The following SMAD2 variants were observed in gnomAD, a reference collection of about 807,000 sequenced individuals.
The protein encoded by SMAD2 is MAD homolog 2.
In SMAD2, 8 loss-of-function variants were observed where a neutral mutation model predicts 64.4. The ratio of observed to expected loss-of-function variants is 0.12; its 90% CI spans 0.07 to 0.22. The LOEUF (loss-of-function observed/expected upper bound fraction) is 0.22, where lower values mean the gene tolerates loss of function less well. Ranked by LOEUF, SMAD2 falls within the 10% of genes least tolerant of loss-of-function variation. SMAD2 has a pLI of 1.00. For missense variants in SMAD2, 289 were observed against 561.2 expected (o/e 0.51, Z 4.90); for synonymous variants, 203 against 195.8 (o/e 1.04, Z -0.31).
intron 6 of SMAD2, among the ~76,000 whole-genome samples, chr18:47,853,948 C>A (rs1205466887): frequency 6.6e-6 from 1 of 152,080 alleles, no homozygotes; most frequent in Non-Finnish European, 1.5e-5. Flanking sequence ...CTGTTTACTC[C>A]TCTATTAAAT....
At chr18:47,844,649 C>T (rs535566729) in intron 10 of SMAD2, among the ~76,000 whole-genome samples, 1 of 152,196 alleles carries the variant, frequency 6.6e-6, no homozygotes, top group Non-Finnish European at 1.5e-5. Flanking sequence ...TAACCTTGGG[C>T]AAATTATCAG....
rs1378450370 is a variant in SMAD2, at chr18:47,818,931, T to C, written c.*22896A>G. On this transcript the variant is annotated 3_prime_UTR_variant, in exon 11 of 11. Coordinates refer to ENST00000262160, the MANE Select transcript of SMAD2 (RefSeq NM_005901.6). ...TTATAAACCAGCAAGCCTGTATTAC[T>C]ATCGTATGACTAAAATTCTAAAATG... The C allele has an allele frequency of 6.6e-6, 1 of 152,246 alleles. No homozygotes were observed. The highest frequency in any genetic ancestry group is 1.5e-5 in the Non-Finnish European group (1 of 68,044). 9.4% of individuals were successfully genotyped at this position (152,246 alleles called of 1,614,324 possible).
Position 47,827,383 on chromosome 18 carries a change from C to G in SMAD2, c.*14444G>C, listed in dbSNP as rs1912792455. ...ATTTATGCTCAATACCTCTCTCCAGCCAATCACTATGTAAATTGTGAATTA... is the reference window on the plus strand; with the variant it reads ...ATTTATGCTCAATACCTCTCTCCAGGCAATCACTATGTAAATTGTGAATTA... On this transcript the variant is annotated 3_prime_UTR_variant, in exon 11 of 11. Coordinates refer to ENST00000262160, the MANE Select transcript of SMAD2 (RefSeq NM_005901.6). The G allele has an allele frequency of 6.6e-6, 1 of 152,234 alleles. No individual in the cohort carries two copies. The highest frequency in any genetic ancestry group is 1.5e-5 in the Non-Finnish European group (1 of 68,036). 9.4% of individuals were successfully genotyped at this position (152,234 alleles called of 1,614,324 possible).
intron 6 of SMAD2, among the ~76,000 whole-genome samples, chr18:47,856,567 G>A (rs1022332405): frequency 6.6e-6 from 1 of 152,118 alleles, no homozygotes; most frequent in Non-Finnish European, 1.5e-5. Flanking sequence ...ACCCAAATAT[G>A]ATCACTAGTC....
chr18:47,895,293 C>G (rs1290054149), intron 2 of SMAD2: 1 of 152,222 alleles, frequency 6.6e-6, no homozygotes, highest in Non-Finnish European at 1.5e-5. Flanking sequence ...TGGCTCTTCC[C>G]TCTGCCTAGA....
rs1329963688 is a variant in SMAD2, at chr18:47,824,283, T to C, written c.*17544A>G. ...CCATGAAGAGAGGGATTTTACGCACTACCTCAAAGACCCAGAAGAAACCAC... is the reference window on the plus strand; with the variant it reads ...CCATGAAGAGAGGGATTTTACGCACCACCTCAAAGACCCAGAAGAAACCAC... On this transcript the variant is annotated 3_prime_UTR_variant, in exon 11 of 11. Coordinates refer to ENST00000262160, the MANE Select transcript of SMAD2 (RefSeq NM_005901.6). 2.0e-5 allele frequency: 3 copies of C among 152,236 alleles called. No homozygotes were observed. The highest frequency in any genetic ancestry group is 4.4e-5 in the Non-Finnish European group (3 of 68,054). The allele number at this position is 152,236 out of a possible 1,614,324, so 9.4% of individuals were successfully genotyped here.
At chr18:47,866,327 A>AAAAG in intron 5 of SMAD2, among the ~76,000 whole-genome samples, 1 of 150,654 alleles carries the variant, frequency 6.6e-6, no homozygotes, top group African/African-American at 2.4e-5. Context: ...AAAAAAAAAA[A>AAAAG]AAAAAAAAAA....
rs1195643675 is a variant in SMAD2, at chr18:47,835,899, T to C, written c.*5928A>G. 4.9e-6 allele frequency: 1 copy of C among 205,688 alleles called. No individual in the cohort carries two copies. The allele number at this position is 205,688 out of a possible 1,614,324, so 12.7% of individuals were successfully genotyped here. A position where few individuals can be genotyped will look rare whatever the true frequency, so the allele number is the denominator to read the frequency against. On this transcript the variant is annotated 3_prime_UTR_variant, in exon 11 of 11. Transcript: ENST00000262160. ...CTGTTTGGAGGGTAAAAGAATACTTTTCTCGAAATTTTTTTGAAGAAAAAT... is the reference window on the plus strand; with the variant it reads ...CTGTTTGGAGGGTAAAAGAATACTTCTCTCGAAATTTTTTTGAAGAAAAAT...
intron 1 of SMAD2, among the ~76,000 whole-genome samples, chr18:47,921,053 T>C (rs1324271657): frequency 1.3e-5 from 2 of 152,150 alleles, no homozygotes; most frequent in Non-Finnish European, 2.9e-5. Flanking sequence ...ACTACTCAGG[T>C]AGCTGAGGTG....
intron 1 of SMAD2, among the ~76,000 whole-genome samples, chr18:47,917,123 C>T (rs1034864401): frequency 1.8e-4 from 28 of 152,190 alleles, no homozygotes; most frequent in Non-Finnish European, 8.8e-5. Context: ...TGGGTTCAAG[C>T]GATTCCCCTT....
At chr18:47,873,243 C>T (rs1437804575) in intron 2 of SMAD2, among the ~76,000 whole-genome samples, 2 of 152,050 alleles carry the variant, frequency 1.3e-5, no homozygotes, top group Non-Finnish European at 2.9e-5. Flanking sequence ...GTATAAGCAG[C>T]ATCTAGATAA....
intron 2 of SMAD2, among the ~76,000 whole-genome samples, chr18:47,894,238 G>GT (rs1235404492): frequency 3.3e-5 from 5 of 152,180 alleles, no homozygotes; most frequent in Non-Finnish European, 7.3e-5. Flanking sequence ...TATCTCTGCT[G>GT]TATCACACAG....
At chr18:47,926,680 T>C (rs2034779340) in intron 1 of SMAD2, among the ~76,000 whole-genome samples, 1 of 152,252 alleles carries the variant, frequency 6.6e-6, no homozygotes, top group South Asian at 2.1e-4. Flanking sequence ...AGCTATGGAC[T>C]GGGACAATTT....
intron 6 of SMAD2, among the ~76,000 whole-genome samples, chr18:47,856,535 C>G (rs546715384): frequency 6.6e-6 from 1 of 152,160 alleles, no homozygotes; most frequent in Non-Finnish European, 1.5e-5. Context: ...GGGAATCATC[C>G]TGGGTTGCTT....
rs371580307 is a variant in SMAD2 at position 47,825,808 on chromosome 18, T to C, written c.*16019A>G. 2.6e-5 allele frequency: 4 copies of C among 152,318 alleles called. No homozygotes were observed. In the East Asian group the frequency reaches 7.7e-4, roughly 29 times the overall value. 9.4% of individuals were successfully genotyped at this position (152,318 alleles called of 1,614,324 possible). The stretch of plus-strand genomic sequence containing the variant: ...AAATTTCAGTGTCAAAGTTAAAACA[T>C]GCCTTGATCAGTCAACCAAATTACT... On this transcript the variant is annotated 3_prime_UTR_variant, in exon 11 of 11. Coordinates refer to ENST00000262160, the MANE Select transcript of SMAD2 (RefSeq NM_005901.6).
At chr18:47,851,421 A>C in intron 6 of SMAD2, 94 bp from the exon 7 acceptor site, 1 of 788,518 alleles carries the variant, frequency 1.3e-6, no homozygotes, top group Non-Finnish European at 2.2e-6. Context: ...AATTATCAAC[A>C]ATAATACAAA....
intron 1 of SMAD2, among the ~76,000 whole-genome samples, chr18:47,909,547 C>T (rs1378103754): frequency 6.6e-6 from 1 of 152,136 alleles, no homozygotes; most frequent in East Asian, 1.9e-4. Context: ...GAGAAACAAG[C>T]ACCAGATCTG....
intron 6 of SMAD2, among the ~76,000 whole-genome samples, chr18:47,860,014 G>A (rs1056345335): frequency 6.6e-6 from 1 of 152,006 alleles, no homozygotes; most frequent in Non-Finnish European, 1.5e-5. Flanking sequence ...ATGTACCTGT[G>A]GTCCCAGCTT....
At position 47,830,272 on chromosome 18, in the gene SMAD2, G is replaced by A. The variant is rs1237579344; in HGVS notation, c.*11555C>T. The A allele has an allele frequency of 6.6e-6, 1 of 152,034 alleles. No individual in the cohort carries two copies. The highest frequency in any genetic ancestry group is 2.4e-5 in the African/African-American group (1 of 41,368). 9.4% of individuals were successfully genotyped at this position (152,034 alleles called of 1,614,324 possible). A position where few individuals can be genotyped will look rare whatever the true frequency, so the allele number is the denominator to read the frequency against. On this transcript the variant is annotated 3_prime_UTR_variant, in exon 11 of 11. Coordinates refer to ENST00000262160, the MANE Select transcript of SMAD2 (RefSeq NM_005901.6). ...AAAACATTTTTATTCCAGGTGGTAAGCTGGCTTAAATTTTCACTTTTCAGC... is the reference window on the plus strand; with the variant it reads ...AAAACATTTTTATTCCAGGTGGTAAACTGGCTTAAATTTTCACTTTTCAGC...
Sources: gnomAD v4.1 joint callset for allele counts (sites outside exome capture counted in the v4.1 genomes callset) on GRCh38, gnomAD v4.1.1 for gene constraint, MANE v1.5 for transcripts, NCBI Gene and HGNC (gene_info 2026-07-23, HGNC 2026-07-21) for gene names.